CDK14: variants seen among roughly 807,000 people sequenced by gnomAD.
CDK14 encodes the protein cyclin dependent kinase 14.
In CDK14, 34 loss-of-function variants were observed where a neutral mutation model predicts 60.7. The ratio of observed to expected loss-of-function variants is 0.56; its 90% CI spans 0.43 to 0.75. The LOEUF (loss-of-function observed/expected upper bound fraction) is 0.75. Ranked by LOEUF, CDK14 falls within the 30% of genes least tolerant of loss-of-function variation. CDK14 has a pLI of 0.00. For synonymous variants in CDK14, 197 were observed against 203.7 expected (o/e 0.97, Z 0.28); for missense variants, 482 against 564.1 (o/e 0.85, Z 1.47).
chr7:91,103,799 A>AT (rs1437589024), intron 12 of CDK14, among the ~76,000 whole-genome samples: 20 of 151,924 alleles, frequency 1.3e-4, no homozygotes, highest in South Asian at 4.2e-4. Context: ...TCTTTCATAC[A>AT]TTTTTTTAAA....
intron 10 of CDK14, among the ~76,000 whole-genome samples, chr7:91,029,873 CT>C (rs1467098368): frequency 6.6e-6 from 1 of 152,154 alleles, no homozygotes; most frequent in African/African-American, 2.4e-5. Context: ...CATAGTTTGA[CT>C]TCCTCTTTTC....
At chr7:90,972,074 G>A (rs984349115) in intron 9 of CDK14, among the ~76,000 whole-genome samples, 1 of 152,026 alleles carries the variant, frequency 6.6e-6, no homozygotes, top group Non-Finnish European at 1.5e-5. Context: ...ATATAATTTT[G>A]TTTCATAGTT....
chr7:90,717,132 G>C (rs372116549), intron 2 of CDK14, among the ~76,000 whole-genome samples: 1 of 151,890 alleles, frequency 6.6e-6, no homozygotes. Context: ...AAAACCTTAC[G>C]TTAAATTTAT....
chr7:91,158,277 A>G (rs935101223), intron 14 of CDK14, among the ~76,000 whole-genome samples: 2 of 151,720 alleles, frequency 1.3e-5, no homozygotes, highest in South Asian at 2.1e-4. Flanking sequence ...CAGTGGTGCA[A>G]TCTTGACTCA....
chr7:90,822,313 A>G (rs1280575451), intron 5 of CDK14, among the ~76,000 whole-genome samples: 1 of 152,212 alleles, frequency 6.6e-6, no homozygotes, highest in Non-Finnish European at 1.5e-5. Flanking sequence ...TTTGAGCTCC[A>G]CTGGTGAACT....
At chr7:90,749,948 G>A (rs1238718832) in intron 4 of CDK14, among the ~76,000 whole-genome samples, 3 of 152,066 alleles carry the variant, frequency 2.0e-5, no homozygotes, top group Admixed American at 6.5e-5. Context: ...CCATAAATAA[G>A]GATCAAGTAT....
intron 8 of CDK14, among the ~76,000 whole-genome samples, chr7:90,924,614 C>T (rs1388132572): frequency 2.0e-5 from 3 of 152,128 alleles, no homozygotes; most frequent in Non-Finnish European, 2.9e-5. Context: ...CAGTCTAAAG[C>T]ACATGTTTTC....
intron 14 of CDK14, among the ~76,000 whole-genome samples, chr7:91,190,175 G>T (rs1263797380): frequency 6.6e-6 from 1 of 152,190 alleles, no homozygotes; most frequent in Non-Finnish European, 1.5e-5. Flanking sequence ...CATGGAGGGG[G>T]TTCTGCTCAT....
rs1434638099 is a variant in CDK14, at chr7:91,118,127, G to T, written c.1357G>T (p.Ala453Ser). Residue 453 changes from alanine (A) to serine (S), a missense_variant, in exon 14 of 15, where the codon GCC becomes TCC. By Grantham distance (99) the Ala-to-Ser change is moderately conservative. Transcript: ENST00000380050. ...LQPEAGESMR[A>S]FGKNNSYGKS... ...ACCAGAAGCTGGAGAAAGCATGCGGGCCTTTGGGAAAAACAATAGTTATGG... is the reference window on the plus strand; with the variant it reads ...ACCAGAAGCTGGAGAAAGCATGCGGTCCTTTGGGAAAAACAATAGTTATGG... 1 of 1,613,626 alleles carries T rather than the reference G, an allele frequency of 6.2e-7. No individual in the cohort carries two copies. Among genetic ancestry groups the T allele is most frequent in the Non-Finnish European group, 8.5e-7 (1 of 1,179,684 alleles).
At position 90,769,591 on chromosome 7, in the gene CDK14, C is replaced by T. The variant is rs1374384255; in HGVS notation, c.465-20982C>T. Among the ~76,000 whole-genome samples, 7 of 151,922 alleles carry T rather than the reference C, an allele frequency of 4.6e-5. 1 individual carries two copies. Among genetic ancestry groups the T allele is most frequent in the East Asian group, 3.9e-4 (2 of 5,184 alleles). On this transcript the variant is annotated intron_variant, in intron 4 of 14. Transcript: ENST00000380050. ...AAGCGATTCTCCTGCCTCAGCCTCCCGAGTAGCTGGAATTACAGGCATGTG... is the reference window on the plus strand; with the variant it reads ...AAGCGATTCTCCTGCCTCAGCCTCCTGAGTAGCTGGAATTACAGGCATGTG...
chr7:90,835,762 A>G (rs1481463631), intron 5 of CDK14, among the ~76,000 whole-genome samples: 1 of 152,150 alleles, frequency 6.6e-6, no homozygotes, highest in Non-Finnish European at 1.5e-5. Flanking sequence ...GTGCATTCTG[A>G]TAAATGTACC....
At chr7:90,846,144 C>A (rs1021011642) in intron 5 of CDK14, among the ~76,000 whole-genome samples, 6 of 152,090 alleles carry the variant, frequency 3.9e-5, no homozygotes, top group Non-Finnish European at 7.4e-5. Flanking sequence ...CCATCTGTGA[C>A]TCTTCTTCTT....
chr7:90,865,241 C>T (rs893573611), intron 6 of CDK14, among the ~76,000 whole-genome samples: 1 of 151,996 alleles, frequency 6.6e-6, no homozygotes, highest in East Asian at 1.9e-4. Context: ...TGAAAAGAAC[C>T]GCTTCAGTTT....
chr7:90,614,716 G>C (rs1429384686), intron 2 of CDK14, among the ~76,000 whole-genome samples: 1 of 151,964 alleles, frequency 6.6e-6, no homozygotes, highest in Non-Finnish European at 1.5e-5. Context: ...TCAAAATGCT[G>C]GAATTACAGA....
intron 5 of CDK14, among the ~76,000 whole-genome samples, chr7:90,802,806 G>T (rs1788691112): frequency 2.6e-5 from 4 of 152,166 alleles, no homozygotes; most frequent in Admixed American, 2.6e-4. Context: ...ACTTTCAGAA[G>T]AACATTTGGA....
At chr7:90,859,461 G>C (rs1249651471) in intron 5 of CDK14, among the ~76,000 whole-genome samples, 11 of 152,032 alleles carry the variant, frequency 7.2e-5, no homozygotes. Flanking sequence ...CATTTGCATG[G>C]TAATTGTGTA....
At chr7:91,005,247 C>A (rs574754002) in intron 10 of CDK14, among the ~76,000 whole-genome samples, 66 of 152,354 alleles carry the variant, frequency 4.3e-4, no homozygotes, top group Non-Finnish European at 6.3e-4. Context: ...GAACTGCTGA[C>A]AAGGGCTGGA....
chr7:90,805,433 TC>T, intron 5 of CDK14, among the ~76,000 whole-genome samples: 1 of 73,916 alleles, frequency 1.4e-5, no homozygotes, highest in Non-Finnish European at 2.8e-5. Context: ...AGGAATTTTC[TC>T]AACACACACA....
At chr7:91,099,332 A>G (rs1402625391) in intron 12 of CDK14, among the ~76,000 whole-genome samples, 2 of 152,186 alleles carry the variant, frequency 1.3e-5, no homozygotes, top group African/African-American at 4.8e-5. Context: ...ATTTTTACAT[A>G]GACTGAATTT....
Sources: gnomAD v4.1 joint callset for allele counts (sites outside exome capture counted in the v4.1 genomes callset) on GRCh38, gnomAD v4.1.1 for gene constraint, MANE v1.5 for transcripts, NCBI Gene and HGNC (gene_info 2026-07-23, HGNC 2026-07-21) for gene names.